The following RNASET2 variants were observed in gnomAD, a reference collection of about 807,000 sequenced individuals.
RNASET2 encodes the protein ribonuclease 6.
Under a neutral mutation model 33.9 loss-of-function variants are expected in RNASET2, and 28 were observed. That is an observed-to-expected ratio of 0.83 (90% CI 0.61 to 1.13). RNASET2 has a LOEUF of 1.13. Among genes scored for constraint, RNASET2 ranks in the 50% most tolerant of loss-of-function variants. RNASET2 has a pLI of 0.00. For missense variants in RNASET2, 330 were observed against 319.9 expected, an observed-to-expected ratio of 1.03 and a Z score of -0.24; for synonymous variants, 123 against 121.0, an observed-to-expected ratio of 1.02 and a Z score of -0.11.
chr6:166,947,248 G>A (rs1778870847), intron 3 of RNASET2, among the ~76,000 whole-genome samples: 1 of 152,226 alleles, frequency 6.6e-6, no homozygotes, highest in African/African-American at 2.4e-5. Flanking sequence ...AGATCAGCTA[G>A]TAGGATTTTC....
intron 6 of RNASET2, 73 bp downstream of exon 6, chr6:166,938,822 G>T (rs1778628941): frequency 1.9e-6 from 2 of 1,057,492 alleles, no homozygotes; most frequent in Non-Finnish European, 3.0e-6. Context: ...CACTCCCCTG[G>T]ATCCAGCTGT....
intron 1 of RNASET2, chr6:166,955,811 C>T (rs1039105834): frequency 1.0e-6 from 1 of 970,220 alleles, no homozygotes; most frequent in South Asian, 4.8e-5. Context: ...GAGGTCACCC[C>T]GGGGCGTGCT....
At chr6:166,952,420 A>C in intron 2 of RNASET2, 68 bp downstream of exon 2, 113 of 1,264,222 alleles carry the variant, frequency 8.9e-5, no homozygotes, top group Middle Eastern at 1.9e-4. Flanking sequence ...CTGGACGGGC[A>C]CGTGCACACA....
At chr6:166,940,765 G>C (rs956145516) in intron 5 of RNASET2, among the ~76,000 whole-genome samples, 5 of 151,640 alleles carry the variant, frequency 3.3e-5, no homozygotes, top group African/African-American at 1.2e-4. Flanking sequence ...GCATCAGAAC[G>C]GTCAGTCACC....
chr6:166,955,605 T>G (rs1779145452), intron 1 of RNASET2: 1 of 991,592 alleles, frequency 1.0e-6, no homozygotes, highest in South Asian at 4.4e-5. Flanking sequence ...ACCTGCTTTG[T>G]CGCGTCCTAG....
At chr6:166,944,301 G>T (rs901068879) in intron 4 of RNASET2, among the ~76,000 whole-genome samples, 5 of 151,940 alleles carry the variant, frequency 3.3e-5, no homozygotes, top group Non-Finnish European at 7.4e-5. Context: ...ACCCCAAAAA[G>T]GTCAGTAAAA....
chr6:166,953,995 G>C (rs1008786372), intron 1 of RNASET2, among the ~76,000 whole-genome samples: 2 of 151,870 alleles, frequency 1.3e-5, no homozygotes, highest in African/African-American at 4.8e-5. Flanking sequence ...GGAAAGCTTA[G>C]CAACACCCAG....
intron 4 of RNASET2, chr6:166,945,478 C>G (rs925631293): frequency 6.5e-6 from 1 of 154,378 alleles, no homozygotes; most frequent in Non-Finnish European, 1.5e-5. Flanking sequence ...TCCCCAGCCT[C>G]TTGGCTCATC....
intron 5 of RNASET2, among the ~76,000 whole-genome samples, chr6:166,941,757 T>C (rs1161516971): frequency 6.6e-6 from 1 of 152,244 alleles, no homozygotes; most frequent in Non-Finnish European, 1.5e-5. Flanking sequence ...AGGTTAATCT[T>C]CCCACCTAAA....
chr6:166,945,723 A>G (rs1778819733), intron 4 of RNASET2, among the ~76,000 whole-genome samples: 1 of 151,568 alleles, frequency 6.6e-6, no homozygotes, highest in South Asian at 2.1e-4. Flanking sequence ...CCAGCTACTC[A>G]GGAGGCTGAG....
rs927240249 is a variant in RNASET2, at chr6:166,933,637, T to C, written c.492+454A>G. ...AGGTCCTGGGATTTATAGGCGTGAG[T>C]CACCACACCTGGCAAAAAGCAACTT... On this transcript the variant is annotated intron_variant, in intron 7 of 8. Transcript: ENST00000508775. The surrounding 1 kb of genome is among the most constrained non-coding windows in gnomAD (Gnocchi z 4.1). The C allele has an allele frequency of 5.2e-6, 1 of 193,670 alleles. No homozygotes were observed. The highest frequency in any genetic ancestry group is 2.4e-5 in the African/African-American group (1 of 41,910). The allele number at this position is 193,670 out of a possible 1,614,324, so 12.0% of individuals were successfully genotyped here.
At chr6:166,931,152 C>G (rs1401472228) in intron 7 of RNASET2, 34 bp from the exon 8 acceptor site, 2 of 1,424,156 alleles carry the variant, frequency 1.4e-6, no homozygotes, top group Non-Finnish European at 2.0e-6. Flanking sequence ...AGAAATTAAA[C>G]TTCAACAGAA....
intron 1 of RNASET2, chr6:166,953,130 C>G (rs1779028207): frequency 5.3e-6 from 1 of 189,744 alleles, no homozygotes; most frequent in Non-Finnish European, 1.1e-5. Flanking sequence ...TTAACTTGAA[C>G]ACGGTATGTG....
At position 166,925,613 on chromosome 6, in the gene RNASET2, C is replaced by T. The variant is rs1317760387; in HGVS notation, c.*3975G>A. ...CTATGCCACATTGTCCGCATCTACA[C>T]TGTACGGCCCTCCCCTGTGCCATCC... is the stretch of plus-strand genomic sequence containing the variant. On this transcript the variant is annotated 3_prime_UTR_variant, in exon 9 of 9. Coordinates refer to ENST00000508775, the MANE Select transcript of RNASET2 (RefSeq NM_003730.6). Among the ~76,000 whole-genome samples, 3 of 152,226 alleles carry T rather than the reference C, an allele frequency of 2.0e-5. No homozygotes were observed. The highest frequency in any genetic ancestry group is 1.3e-4 in the Admixed American group (2 of 15,288).
In RNASET2 at chr6:166,927,536, T is replaced by C. The variant is rs537298452; in HGVS notation, c.*2052A>G. Among the ~76,000 whole-genome samples, 1 of 139,324 alleles carries C rather than the reference T, an allele frequency of 7.2e-6. No individual in the cohort carries two copies. The highest frequency in any genetic ancestry group is 2.2e-4 in the South Asian group (1 of 4,566). 91.4% of individuals were successfully genotyped at this position (139,324 alleles called of 152,430 possible). On this transcript the variant is annotated 3_prime_UTR_variant, in exon 9 of 9. Coordinates refer to ENST00000508775, the MANE Select transcript of RNASET2 (RefSeq NM_003730.6). Reference sequence around the variant, plus strand: ...GCTACTTAAAAAAAAGAATGGCTTCTTTAAAAACCGCAAAGGCCAGCCGAC... The same window carrying C: ...GCTACTTAAAAAAAAGAATGGCTTCCTTAAAAACCGCAAAGGCCAGCCGAC...
intron 6 of RNASET2, chr6:166,935,118 C>G (rs1312218373): frequency 6.6e-6 from 1 of 152,054 alleles, no homozygotes; most frequent in African/African-American, 2.4e-5. Flanking sequence ...AGATGCCGGA[C>G]CAGGGTCCTT....
At chr6:166,943,875 A>T in intron 4 of RNASET2, 2 of 386,474 alleles carry the variant, frequency 5.2e-6, no homozygotes, top group South Asian at 4.0e-5. Context: ...TAATCCCAGC[A>T]CTTTCGGAGG....
intron 4 of RNASET2, chr6:166,943,389 A>T: frequency 5.5e-6 from 2 of 364,230 alleles, no homozygotes; most frequent in South Asian, 4.3e-5. Flanking sequence ...CCGTCGAGTC[A>T]TGAAAAGACA....
At chr6:166,954,145 G>A (rs1057493260) in intron 1 of RNASET2, among the ~76,000 whole-genome samples, 1 of 151,026 alleles carries the variant, frequency 6.6e-6, no homozygotes, top group African/African-American at 2.4e-5. Flanking sequence ...CCCTATTCAC[G>A]GAGAAAGTAA....
Sources: allele counts gnomAD v4.1 joint callset (sites outside exome capture counted in the v4.1 genomes callset), GRCh38; gene constraint gnomAD v4.1.1; non-coding constraint Gnocchi (gnomAD v3.1); transcripts MANE v1.5; gene names NCBI Gene and HGNC (gene_info 2026-07-23, HGNC 2026-07-21).